Variants in AK7 observed in about 807,000 individuals in gnomAD.
The protein encoded by AK7 is ATP-AMP transphosphorylase 7.
AK7 carries 78 observed loss-of-function variants against 96.6 expected under a neutral mutation model. The observed-to-expected ratio is 0.81, with a 90% CI of 0.67 to 0.97. AK7 has a LOEUF of 0.97. Among genes scored for constraint, AK7 ranks in the 50% least tolerant of loss-of-function variants. The probability of loss-of-function intolerance (pLI) is 0.00; values close to 1 mark genes in which losing one functional copy is unlikely to be tolerated. For missense variants in AK7, 855 were observed against 887.9 expected (o/e 0.96, Z 0.47); for synonymous variants, 302 against 317.2 (o/e 0.95, Z 0.51).
At chr14:96,456,296 C>T (rs751474456) in intron 10 of AK7, 51 bp from the exon 11 acceptor site, 51 of 1,389,840 alleles carry the variant, frequency 3.7e-5, no homozygotes, top group Non-Finnish European at 4.8e-5. Flanking sequence ...CTCTGTCTAG[C>T]TACAGATCAT....
At position 96,471,489 on chromosome 14, in the gene AK7, G is replaced by C; in HGVS notation, c.1369G>C (p.Asp457His). Reference protein sequence around the residue: ...SMEQNAGQLDDQYIIRFMKEK... With the variant: ...SMEQNAGQLDHQYIIRFMKEK... Reference sequence around the variant, plus strand: ...TGTTTTTTTATCAGGTCAACTAGACGATCAATATATAATTAGATTTATGAA... The same window carrying C: ...TGTTTTTTTATCAGGTCAACTAGACCATCAATATATAATTAGATTTATGAA... The change falls in exon 13 of 18, where the codon GAT (aspartate) becomes CAT (histidine). Residue 457 changes from aspartate to histidine, a missense_variant. Physicochemically the swap from Asp to His is moderately conservative, Grantham distance 81 (BLOSUM62 -1). Transcript: ENST00000267584. 1 of 1,456,824 alleles carries C rather than the reference G, an allele frequency of 6.9e-7. No individual in the cohort carries two copies. Among genetic ancestry groups the C allele is most frequent in the Non-Finnish European group, 9.4e-7 (1 of 1,060,270 alleles). 90.2% of individuals were successfully genotyped at this position (1,456,824 alleles called of 1,614,324 possible).
intron 2 of AK7, among the ~76,000 whole-genome samples, chr14:96,402,202 C>T (rs1026951478): frequency 2.0e-5 from 3 of 151,950 alleles, no homozygotes; most frequent in African/African-American, 4.8e-5. Context: ...CACACACACA[C>T]ACACACACAC....
At position 96,434,422 on chromosome 14, in the gene AK7, GTCTCTCTCTCTCTCTC is replaced by G. The variant is rs3077780; in HGVS notation, c.610-3393_610-3378del. ...AAATATACAGTCTCTCTGTCTGTCT[GTCTCTCTCTCTCTCTC>G]TCTCTCTCTCTCTCTCTCTGTTCTA... On this transcript the variant is annotated intron_variant, in intron 5 of 17. Coordinates refer to ENST00000267584, the MANE Select transcript of AK7 (RefSeq NM_152327.5). Among the ~76,000 whole-genome samples, 701 of 149,434 alleles carry G rather than the reference GTCTCTCTCTCTCTCTC, an allele frequency of 4.7e-3. 2 individuals carry two copies. Among genetic ancestry groups the G allele is most frequent in the Non-Finnish European group, 7.5e-3 (504 of 67,150 alleles).
At position 96,482,913 on chromosome 14, in the gene AK7, G is replaced by A. The variant is rs192990431; in HGVS notation, c.1754-86G>A. 2.1e-4 allele frequency: 277 copies of A among 1,311,964 alleles called. 3 individuals are homozygous for A. The African/African-American group carries it at 2.8e-3, about 13-fold the overall frequency. 81.3% of individuals were successfully genotyped at this position (1,311,964 alleles called of 1,614,324 possible). A position where few individuals can be genotyped will look rare whatever the true frequency, so the allele number is the denominator to read the frequency against. On this transcript the variant is annotated intron_variant, in intron 15 of 17. Coordinates refer to ENST00000267584, the MANE Select transcript of AK7 (RefSeq NM_152327.5). ...GTGGTAATTTACATAATTGACTATC[G>A]CAAGTTTATAGTAATAAAGAATTTT...
chr14:96,488,143 C>A (rs1442857230), intron 17 of AK7, 162 bp from the exon 18 acceptor site: 1 of 541,006 alleles, frequency 1.8e-6, no homozygotes. Context: ...GAACTCCTGA[C>A]CTCAAGTGAT....
intron 14 of AK7, among the ~76,000 whole-genome samples, chr14:96,476,046 A>G (rs929839521): frequency 2.0e-5 from 3 of 152,052 alleles, no homozygotes; most frequent in African/African-American, 4.8e-5. Flanking sequence ...ACACATTCCA[A>G]TCTATGGTAA....
chr14:96,486,872 C>T (rs1275658437), intron 16 of AK7, 26 bp from the exon 17 acceptor site: 1 of 1,605,044 alleles, frequency 6.2e-7, no homozygotes. Context: ...TACACATTTA[C>T]TTTACCACCA....
chr14:96,473,702 G>A (rs1895029012), intron 14 of AK7, among the ~76,000 whole-genome samples: 1 of 152,088 alleles, frequency 6.6e-6, no homozygotes, highest in South Asian at 2.1e-4. Context: ...AAATCCCTGT[G>A]GGAACGTTGT....
In AK7 at chr14:96,407,753, T is replaced by C. The variant is rs138276198; in HGVS notation, c.404-1094T>C. On this transcript the variant is annotated intron_variant, in intron 3 of 17. Transcript: ENST00000267584. ...CCCGCCACCACGCCCAGCTAATTTT[T>C]TGTATTTTTAGTAGAGACAGGGTTT... 6.4e-3 allele frequency among the ~76,000 whole-genome samples: 967 copies of C among 152,092 alleles called. 11 individuals are homozygous for C. Among genetic ancestry groups the C allele is most frequent in the African/African-American group, 0.022 (898 of 41,476 alleles).
At chr14:96,423,514 G>A (rs1398977869) in intron 5 of AK7, among the ~76,000 whole-genome samples, 1 of 152,132 alleles carries the variant, frequency 6.6e-6, no homozygotes, top group East Asian at 1.9e-4. Context: ...AAAACAGAGT[G>A]AGTGACTAGA....
rs553651330 is a variant in AK7 at position 96,432,770 on chromosome 14, G to T, written c.610-5065G>T. Among the ~76,000 whole-genome samples the T allele has an allele frequency of 2.0e-4, 30 of 151,278 alleles. No homozygotes were observed. The East Asian group carries it at 4.7e-3, about 24-fold the overall frequency. On this transcript the variant is annotated intron_variant, in intron 5 of 17. Transcript: ENST00000267584. ...GAGCCCACGGCAGGCAGATCACAAG[G>T]TCAGGAGAATGAGACCATCCTGGCT...
At chr14:96,448,785 T>G (rs557571265) in intron 8 of AK7, among the ~76,000 whole-genome samples, 26 of 151,714 alleles carry the variant, frequency 1.7e-4, no homozygotes, top group Non-Finnish European at 3.2e-4. Context: ...GTGAAAACCC[T>G]TCTCTACTAA....
chr14:96,424,019 C>T, intron 5 of AK7: 1 of 774,148 alleles, frequency 1.3e-6, no homozygotes, highest in Non-Finnish European at 2.3e-6. Context: ...TCTGTCAAGA[C>T]CCAGGTGTAG....
intron 14 of AK7, among the ~76,000 whole-genome samples, chr14:96,476,095 T>C (rs912430571): frequency 2.6e-5 from 4 of 152,204 alleles, no homozygotes; most frequent in African/African-American, 9.6e-5. Flanking sequence ...TGAGCAACCA[T>C]TGCATTTTAC....
At chr14:96,415,606 C>G (rs975386224) in intron 4 of AK7, among the ~76,000 whole-genome samples, 1 of 151,892 alleles carries the variant, frequency 6.6e-6, no homozygotes, top group Non-Finnish European at 1.5e-5. Context: ...TTTCCCAGTG[C>G]GTAGGTCTTT....
intron 5 of AK7, among the ~76,000 whole-genome samples, 188 bp downstream of exon 5, chr14:96,421,120 G>A (rs899703230): frequency 2.6e-4 from 40 of 152,236 alleles, no homozygotes; most frequent in Admixed American, 6.5e-4. Context: ...CCACCCAGCC[G>A]AGCTTGAGCC....
At position 96,458,220 on chromosome 14, in the gene AK7, A is replaced by G. The variant is rs768129324; in HGVS notation, c.1357+8A>G. On this transcript the variant is annotated splice_region_variant and intron_variant, in intron 12 of 17. Coordinates refer to ENST00000267584, the MANE Select transcript of AK7 (RefSeq NM_152327.5). ...GCATGGAGCAGAATGCAGGTAACAC[A>G]CACCCAGCAGAGAGCCACGCTGCTC... 3 of 1,613,430 alleles carry G rather than the reference A, an allele frequency of 1.9e-6. No individual in the cohort carries two copies. The Admixed American group carries it at 5.0e-5, about 27-fold the overall frequency.
rs148177310 is a variant in AK7 at position 96,461,808 on chromosome 14, A to G, written c.1357+3596A>G. Among the ~76,000 whole-genome samples the G allele has an allele frequency of 3.3e-3, 508 of 152,032 alleles. 4 individuals are homozygous for G. Among genetic ancestry groups the G allele is most frequent in the African/African-American group, 0.012 (488 of 41,458 alleles). On this transcript the variant is annotated intron_variant, in intron 12 of 17. Transcript: ENST00000267584. ...GCCATGTTGGCCAGACTGGTCTCAA[A>G]CCCCTGGTCTCAAGTGATCTGCCTG...
intron 2 of AK7, among the ~76,000 whole-genome samples, chr14:96,402,849 G>T (rs1306002249): frequency 1.3e-5 from 2 of 151,824 alleles, no homozygotes; most frequent in African/African-American, 4.8e-5. Context: ...GAGGTCATCA[G>T]CCAGGCGCAG....
Sources: allele counts gnomAD v4.1 joint callset (sites outside exome capture counted in the v4.1 genomes callset), GRCh38; gene constraint gnomAD v4.1.1; transcripts MANE v1.5; gene names NCBI Gene and HGNC (gene_info 2026-07-23, HGNC 2026-07-21).